The following FANCA variants were observed in gnomAD, a reference collection of about 807,000 sequenced individuals.
FANCA encodes Fanconi anemia group A protein.
In FANCA, 236 loss-of-function variants were observed where a neutral mutation model predicts 194.3. That is an observed-to-expected ratio of 1.21 (90% CI 1.09 to 1.35). FANCA has a LOEUF of 1.35. Ranked by LOEUF, FANCA falls within the 40% of genes most tolerant of loss-of-function variation. FANCA has a pLI of 0.00. For missense variants in FANCA, 2,628 were observed against 1,813.9 expected (o/e 1.45, Z -8.15); for synonymous variants, 1,014 against 715.8 (o/e 1.42, Z -6.65).
chr16:89,787,319 C>T (rs979455297), intron 14 of FANCA, among the ~76,000 whole-genome samples: 3 of 152,016 alleles, frequency 2.0e-5, no homozygotes, highest in African/African-American at 7.2e-5. Flanking sequence ...TTCAGGAGAT[C>T]GAGACCATCC....
In FANCA at chr16:89,778,708, G is replaced by A. The variant is rs1157516947; in HGVS notation, c.1826+93C>T. 4 of 1,148,828 alleles carry A rather than the reference G, an allele frequency of 3.5e-6. No individual in the cohort carries two copies. The African/African-American group carries it at 4.6e-5, about 13-fold the overall frequency. 71.2% of individuals were successfully genotyped at this position (1,148,828 alleles called of 1,614,324 possible). ...ATTTTACCAATAAAACACAATAGTGGTCTAACAAATTTCTCTACAGAAGAT... is the reference window on the plus strand; with the variant it reads ...ATTTTACCAATAAAACACAATAGTGATCTAACAAATTTCTCTACAGAAGAT... On this transcript the variant is annotated intron_variant, in intron 20 of 42. Transcript: ENST00000389301.
chr16:89,763,258 AT>A (rs1014087694), intron 28 of FANCA, among the ~76,000 whole-genome samples: 34 of 148,282 alleles, frequency 2.3e-4, no homozygotes, highest in African/African-American at 7.8e-4. Context: ...AAAAAAAAAA[AT>A]AATAATTTAA....
At chr16:89,789,317 C>T (rs2039994761) in intron 14 of FANCA, among the ~76,000 whole-genome samples, 1 of 150,970 alleles carries the variant, frequency 6.6e-6, no homozygotes, top group Non-Finnish European at 1.5e-5. Flanking sequence ...GGGGGGGGAG[C>T]AGGCACCGCA....
At chr16:89,795,826 C>G in intron 11 of FANCA, 80 bp downstream of exon 11, 1 of 1,002,032 alleles carries the variant, frequency 1.0e-6, no homozygotes, top group Non-Finnish European at 1.6e-6. Flanking sequence ...CTGGCATCTC[C>G]AGTCAGCGTT....
chr16:89,758,435 C>T (rs866693235), intron 30 of FANCA, 142 bp downstream of exon 30: 1 of 926,646 alleles, frequency 1.1e-6, no homozygotes, highest in African/African-American at 1.6e-5. Flanking sequence ...CCAAAGGAGA[C>T]TGACATTTGG....
At chr16:89,808,586 G>A (rs1046607420) in intron 5 of FANCA, among the ~76,000 whole-genome samples, 8 of 152,064 alleles carry the variant, frequency 5.3e-5, no homozygotes, top group African/African-American at 9.7e-5. Flanking sequence ...CCCACACACC[G>A]TTGCCCAACA....
chr16:89,810,849 A>G (rs1354857884), intron 4 of FANCA, 47 bp from the exon 5 acceptor site: 10 of 1,612,302 alleles, frequency 6.2e-6, no homozygotes, highest in Non-Finnish European at 8.5e-6. Context: ...ACCTGAAACA[A>G]TACTAAAGCT....
At chr16:89,810,668 T>G (rs780846821) in intron 5 of FANCA, 39 bp downstream of exon 5, 3 of 1,318,506 alleles carry the variant, frequency 2.3e-6, no homozygotes, top group East Asian at 2.3e-5. Context: ...GAACATTGCC[T>G]GGAACACTGG....
chr16:89,747,332 C>T (rs140403917), intron 33 of FANCA, among the ~76,000 whole-genome samples: 46 of 152,322 alleles, frequency 3.0e-4, no homozygotes, highest in African/African-American at 1.1e-3. Flanking sequence ...AACAGCCATT[C>T]ATAAGAATTC....
At chr16:89,784,552 G>A (rs1482660266) in intron 15 of FANCA, among the ~76,000 whole-genome samples, 1 of 152,132 alleles carries the variant, frequency 6.6e-6, no homozygotes, top group East Asian at 1.9e-4. Context: ...TGTTTTGAGG[G>A]AGACTGAACA....
At chr16:89,771,556 T>C in intron 23 of FANCA, 122 bp downstream of exon 23, 1 of 1,163,480 alleles carries the variant, frequency 8.6e-7, no homozygotes, top group African/African-American at 1.5e-5. Flanking sequence ...CCCTGGAACA[T>C]CTGATACGAC....
At chr16:89,807,004 C>T (rs888621018) in intron 6 of FANCA, among the ~76,000 whole-genome samples, 2 of 152,080 alleles carry the variant, frequency 1.3e-5, no homozygotes, top group African/African-American at 2.4e-5. Context: ...CCCTCCCGGA[C>T]GGGGCGGCTG....
intron 3 of FANCA, 100 bp from the exon 4 acceptor site, chr16:89,811,171 CA>C (rs770223840): frequency 3.0e-5 from 45 of 1,503,058 alleles, no homozygotes; most frequent in South Asian, 5.8e-5. Context: ...AGATGCAGCA[CA>C]AAAAAAATTG....
At chr16:89,743,722 CTG>C (rs936892060) in intron 36 of FANCA, among the ~76,000 whole-genome samples, 3 of 151,984 alleles carry the variant, frequency 2.0e-5, no homozygotes, top group African/African-American at 7.2e-5. Context: ...ACTCAGGAGA[CTG>C]AGGCAGGAGG....
chr16:89,798,364 C>CACA, intron 10 of FANCA: 1 of 1,040,364 alleles, frequency 9.6e-7, no homozygotes, highest in Non-Finnish European at 1.2e-6. Context: ...TTCAGGAAAT[C>CACA]ACACAGTGCT....
intron 38 of FANCA, 124 bp from the exon 39 acceptor site, chr16:89,740,223 G>A: frequency 1.2e-6 from 1 of 856,648 alleles, no homozygotes; most frequent in Non-Finnish European, 2.0e-6. Flanking sequence ...TAAAACTGGT[G>A]ACAGTTTTAC....
intron 7 of FANCA, among the ~76,000 whole-genome samples, chr16:89,804,473 T>C (rs1308743732): frequency 6.6e-6 from 1 of 152,004 alleles, no homozygotes; most frequent in African/African-American, 2.4e-5. Context: ...TGAATATAAG[T>C]CCTGACAAAC....
intron 12 of FANCA, 49 bp downstream of exon 12, chr16:89,792,422 A>G: frequency 6.4e-7 from 1 of 1,572,658 alleles, no homozygotes; most frequent in Non-Finnish European, 8.7e-7. Flanking sequence ...GCAGATCTTA[A>G]TCCCCCCGCC....
chr16:89,811,619 G>C (rs532190837), intron 3 of FANCA, among the ~76,000 whole-genome samples: 20 of 152,282 alleles, frequency 1.3e-4, no homozygotes, highest in African/African-American at 4.6e-4. Flanking sequence ...CCATTCTCCT[G>C]AGCAACCAGC....
Sources: allele counts gnomAD v4.1 joint callset (sites outside exome capture counted in the v4.1 genomes callset), GRCh38; gene constraint gnomAD v4.1.1; transcripts MANE v1.5; gene names NCBI Gene and HGNC (gene_info 2026-07-23, HGNC 2026-07-21).